The following KCNQ5 variants were observed in gnomAD, a reference collection of about 807,000 sequenced individuals.
KCNQ5 encodes potassium voltage-gated channel subfamily KQT member 5.
Under a neutral mutation model 98.2 loss-of-function variants are expected in KCNQ5, and 30 were observed. The ratio of observed to expected loss-of-function variants is 0.31; its 90% CI spans 0.23 to 0.41. KCNQ5 has a LOEUF of 0.41. Ranked by LOEUF, KCNQ5 falls within the 10% of genes least tolerant of loss-of-function variation. KCNQ5 has a pLI of 1.00. For synonymous variants in KCNQ5, 458 were observed against 449.4 expected (o/e 1.02, Z -0.24); for missense variants, 835 against 1,182.5 (o/e 0.71, Z 4.31).
chr6:72,714,127 G>A (rs1043761489), intron 1 of KCNQ5, among the ~76,000 whole-genome samples: 4 of 152,178 alleles, frequency 2.6e-5, no homozygotes, highest in African/African-American at 4.8e-5. Context: ...CTGCTGTGGA[G>A]CAGATTCTGA....
At chr6:72,682,263 C>G (rs1390696839) in intron 1 of KCNQ5, among the ~76,000 whole-genome samples, 1 of 152,152 alleles carries the variant, frequency 6.6e-6, no homozygotes, top group African/African-American at 2.4e-5. Context: ...TGCTCTAGTT[C>G]TCCACGGTCT....
chr6:73,133,331 T>C (rs1043925220), intron 9 of KCNQ5, 90 bp from the exon 10 acceptor site: 3 of 1,062,490 alleles, frequency 2.8e-6, no homozygotes, highest in East Asian at 2.5e-5. Context: ...TATTGAAATA[T>C]ATGACCACAT....
intron 2 of KCNQ5, among the ~76,000 whole-genome samples, chr6:73,036,413 G>C (rs1436439918): frequency 8.0e-6 from 1 of 124,830 alleles, no homozygotes. Context: ...AAAAAAAAAA[G>C]ATATCGGACA....
intron 1 of KCNQ5, among the ~76,000 whole-genome samples, chr6:72,896,130 C>T (rs543577923): frequency 3.9e-5 from 6 of 152,204 alleles, no homozygotes; most frequent in African/African-American, 1.4e-4. Flanking sequence ...ACCCAATGAG[C>T]CTTTGTAAAG....
At chr6:73,108,516 TAAA>T (rs1562183532) in intron 6 of KCNQ5, among the ~76,000 whole-genome samples, 2 of 152,136 alleles carry the variant, frequency 1.3e-5, no homozygotes, top group Non-Finnish European at 2.9e-5. Context: ...AATAACATGT[TAAA>T]AACCGTTTAA....
At chr6:72,889,868 C>T (rs1457134914) in intron 1 of KCNQ5, among the ~76,000 whole-genome samples, 1 of 152,116 alleles carries the variant, frequency 6.6e-6, no homozygotes, top group African/African-American at 2.4e-5. Context: ...TTAAAAGCCC[C>T]CAAGCCTTCT....
intron 9 of KCNQ5, among the ~76,000 whole-genome samples, chr6:73,132,784 A>G (rs146323274): frequency 6.6e-6 from 1 of 152,308 alleles, no homozygotes; most frequent in Non-Finnish European, 1.5e-5. Flanking sequence ...CATCACATTC[A>G]TTATCTGTTG....
chr6:73,150,186 GA>G (rs1011650434), intron 10 of KCNQ5, among the ~76,000 whole-genome samples: 33 of 151,672 alleles, frequency 2.2e-4, no homozygotes, highest in Non-Finnish European at 3.7e-4. Context: ...CAGAATGGCT[GA>G]AACAAAAAAA....
chr6:73,173,339 T>C (rs1778082141), intron 11 of KCNQ5, among the ~76,000 whole-genome samples: 1 of 152,172 alleles, frequency 6.6e-6, no homozygotes, highest in South Asian at 2.1e-4. Context: ...TATCCACTCA[T>C]AGAAATTAGT....
intron 1 of KCNQ5, among the ~76,000 whole-genome samples, chr6:72,836,435 T>C (rs12660537): frequency 0.26 from 40,137 of 151,950 alleles, 6,211 homozygotes; most frequent in African/African-American, 0.43. Flanking sequence ...GCTCTCTCTC[T>C]GTGTGTGTAT....
chr6:72,744,429 A>G (rs1472016662), intron 1 of KCNQ5, among the ~76,000 whole-genome samples: 1 of 152,224 alleles, frequency 6.6e-6, no homozygotes, highest in Non-Finnish European at 1.5e-5. Context: ...TCTGAAATAA[A>G]TAAACATCAG....
chr6:72,895,156 G>A lies in KCNQ5; in HGVS notation c.399-108752G>A, dbSNP rs1317576338. The stretch of plus-strand genomic sequence containing the variant: ...AAAAAAAAATTAGCTGGGCGTGGTG[G>A]CGGGCGCCTGTAGTCCCAGCTACTT... On this transcript the variant is annotated intron_variant, in intron 1 of 13. Transcript: ENST00000370398. 2.0e-5 allele frequency among the ~76,000 whole-genome samples: 3 copies of A among 150,534 alleles called. No homozygotes were observed. In the East Asian group the frequency reaches 5.8e-4, roughly 29 times the overall value.
At chr6:73,080,979 T>C (rs182255234) in intron 5 of KCNQ5, among the ~76,000 whole-genome samples, 4 of 152,292 alleles carry the variant, frequency 2.6e-5, no homozygotes, top group East Asian at 1.9e-4. Flanking sequence ...ACCTAGTTCA[T>C]TGAGTAAGTG....
At chr6:73,156,855 C>T (rs989069165) in intron 10 of KCNQ5, among the ~76,000 whole-genome samples, 1 of 152,160 alleles carries the variant, frequency 6.6e-6, no homozygotes, top group Admixed American at 6.5e-5. Context: ...AGAGGGCATT[C>T]CTATGACTGT....
intron 1 of KCNQ5, among the ~76,000 whole-genome samples, chr6:72,661,538 T>C (rs1182218562): frequency 6.6e-6 from 1 of 152,138 alleles, no homozygotes; most frequent in Non-Finnish European, 1.5e-5. Context: ...AGGAGTAAGT[T>C]TCTTACCATA....
At chr6:72,813,944 G>T (rs1399627338) in intron 1 of KCNQ5, among the ~76,000 whole-genome samples, 2 of 152,106 alleles carry the variant, frequency 1.3e-5, no homozygotes, top group African/African-American at 4.8e-5. Flanking sequence ...GCATTTAGGA[G>T]CAGTGGCTGG....
intron 1 of KCNQ5, among the ~76,000 whole-genome samples, chr6:72,651,820 T>A (rs886611897): frequency 8.6e-5 from 13 of 152,044 alleles, no homozygotes; most frequent in African/African-American, 4.8e-5. Flanking sequence ...CTGGAATTTT[T>A]GGGAAATGTC....
chr6:72,959,847 A>C (rs1767250941), intron 1 of KCNQ5, among the ~76,000 whole-genome samples: 1 of 152,260 alleles, frequency 6.6e-6, no homozygotes. Flanking sequence ...ATTATATCCC[A>C]AAGCACAGAA....
At chr6:72,707,291 C>T (rs1045485931) in intron 1 of KCNQ5, among the ~76,000 whole-genome samples, 1 of 152,082 alleles carries the variant, frequency 6.6e-6, no homozygotes, top group Admixed American at 6.6e-5. Context: ...GCAGAAAGCC[C>T]AAATTAATAT....
Sources: allele counts gnomAD v4.1 joint callset (sites outside exome capture counted in the v4.1 genomes callset), GRCh38; gene constraint gnomAD v4.1.1; transcripts MANE v1.5; gene names NCBI Gene and HGNC (gene_info 2026-07-23, HGNC 2026-07-21).